Variants in RORA observed in about 807,000 individuals in gnomAD.
RORA encodes the protein RAR related orphan receptor A, also known as nuclear receptor ROR-alpha.
A neutral mutation model predicts 69.5 loss-of-function variants in RORA; 7 were observed. The ratio of observed to expected loss-of-function variants is 0.10; its 90% CI spans 0.06 to 0.19. The LOEUF (loss-of-function observed/expected upper bound fraction) is 0.19, where lower values mean the gene tolerates loss of function less well. RORA is among the 10% of genes least tolerant of loss of function. The probability of loss-of-function intolerance (pLI) is 1.00; values close to 1 mark genes in which losing one functional copy is unlikely to be tolerated. For missense variants in RORA, 457 were observed against 663.0 expected, an observed-to-expected ratio of 0.69 and a Z score of 3.41; for synonymous variants, 261 against 240.8, an observed-to-expected ratio of 1.08 and a Z score of -0.78.
intron 1 of RORA, among the ~76,000 whole-genome samples, chr15:61,095,694 T>C (rs2078779039): frequency 6.6e-6 from 1 of 152,208 alleles, no homozygotes; most frequent in Admixed American, 6.5e-5. Context: ...TTATGCAGAA[T>C]CCTATAGGCA....
chr15:60,579,870 T>C (rs1234227625), intron 2 of RORA, among the ~76,000 whole-genome samples: 2 of 152,240 alleles, frequency 1.3e-5, no homozygotes, highest in African/African-American at 2.4e-5. Flanking sequence ...ACCGATGCAC[T>C]ACTTTTGTCA....
intron 1 of RORA, among the ~76,000 whole-genome samples, chr15:60,948,660 A>T (rs1255913498): frequency 6.6e-6 from 1 of 152,250 alleles, no homozygotes; most frequent in Non-Finnish European, 1.5e-5. Flanking sequence ...TAGACAAGTT[A>T]TGTGACTTGG....
intron 1 of RORA, among the ~76,000 whole-genome samples, chr15:60,805,484 C>T (rs1225923028): frequency 2.6e-5 from 4 of 152,144 alleles, no homozygotes; most frequent in South Asian, 2.1e-4. Context: ...CAGCACTTAC[C>T]GGATGTGCAA....
At chr15:60,658,490 G>T (rs781406737) in intron 2 of RORA, among the ~76,000 whole-genome samples, 3 of 152,178 alleles carry the variant, frequency 2.0e-5, no homozygotes, top group Non-Finnish European at 4.4e-5. Context: ...TCTGCAATGG[G>T]CAGAAGAGAG....
At chr15:60,831,858 T>TTTA (rs2073046731) in intron 1 of RORA, among the ~76,000 whole-genome samples, 1 of 152,206 alleles carries the variant, frequency 6.6e-6, no homozygotes, top group African/African-American at 2.4e-5. Context: ...CGAGTAAGGT[T>TTTA]CAAGGTTGCC....
rs145858507 is a variant in RORA at position 61,018,519 on chromosome 15, G to A, written c.166+210534C>T. Reference sequence around the variant, plus strand: ...CGTATGTGTATGTGTAGTGTGTAGCGTAGTGAAAAACTCCACATGCACAGG... The same window carrying A: ...CGTATGTGTATGTGTAGTGTGTAGCATAGTGAAAAACTCCACATGCACAGG... On this transcript the variant is annotated intron_variant, in intron 1 of 10. Transcript: ENST00000335670. 1.6e-4 allele frequency among the ~76,000 whole-genome samples: 25 copies of A among 152,208 alleles called. 1 individual carries two copies. Among genetic ancestry groups the A allele is most frequent in the African/African-American group, 3.6e-4 (15 of 41,538 alleles).
intron 2 of RORA, among the ~76,000 whole-genome samples, chr15:60,607,386 A>T (rs1334433929): frequency 6.6e-6 from 1 of 152,254 alleles, no homozygotes; most frequent in Non-Finnish European, 1.5e-5. Flanking sequence ...TTAGGCACTT[A>T]TAGAAATACG....
At chr15:61,045,835 T>C (rs1293839910) in intron 1 of RORA, among the ~76,000 whole-genome samples, 3 of 152,192 alleles carry the variant, frequency 2.0e-5, no homozygotes, top group Non-Finnish European at 2.9e-5. Flanking sequence ...TCACTTTAGC[T>C]ATAAAAACAC....
chr15:60,704,115 C>T (rs2071024833), intron 1 of RORA, among the ~76,000 whole-genome samples: 1 of 152,176 alleles, frequency 6.6e-6, no homozygotes, highest in South Asian at 2.1e-4. Flanking sequence ...GTCTTCATTA[C>T]CCTCAAGGAA....
intron 1 of RORA, among the ~76,000 whole-genome samples, chr15:60,997,880 T>C (rs528112162): frequency 4.3e-4 from 65 of 152,354 alleles, no homozygotes; most frequent in African/African-American, 1.5e-3. Flanking sequence ...AAAAGAGCCA[T>C]AACCTCAAGG....
intron 1 of RORA, among the ~76,000 whole-genome samples, chr15:61,043,562 T>G (rs902116868): frequency 2.0e-5 from 3 of 152,204 alleles, no homozygotes; most frequent in African/African-American, 7.2e-5. Flanking sequence ...CAGAGCTAAT[T>G]GGACATCAGA....
intron 1 of RORA, among the ~76,000 whole-genome samples, chr15:60,858,484 AGGTCTGATG>A (rs529690722): frequency 4.0e-5 from 6 of 151,606 alleles, no homozygotes; most frequent in Non-Finnish European, 5.9e-5. Flanking sequence ...ATGGTTCAGA[AGGTCTGATG>A]GGTCAGTGAT....
At chr15:60,749,698 G>T (rs1308629488) in intron 1 of RORA, among the ~76,000 whole-genome samples, 4 of 152,128 alleles carry the variant, frequency 2.6e-5, no homozygotes, top group South Asian at 4.1e-4. Context: ...GGCACCTAAA[G>T]ATCTAAATCT....
chr15:60,895,416 C>T (rs986005581), intron 1 of RORA, among the ~76,000 whole-genome samples: 2 of 152,222 alleles, frequency 1.3e-5, no homozygotes, highest in African/African-American at 4.8e-5. Context: ...CTGAGAAAAT[C>T]TCCTATAAAG....
chr15:60,558,238 A>G, intron 2 of RORA: 1 of 1,611,282 alleles, frequency 6.2e-7, no homozygotes, highest in Non-Finnish European at 8.5e-7. Context: ...GACGCCAGTA[A>G]GAACAAAAGC....
At chr15:61,174,345 GT>G (rs2079609952) in intron 1 of RORA, among the ~76,000 whole-genome samples, 1 of 152,160 alleles carries the variant, frequency 6.6e-6, no homozygotes. Flanking sequence ...AGTTAGGCTG[GT>G]TCTTACTAAC....
At chr15:61,053,727 G>T (rs1182696910) in intron 1 of RORA, among the ~76,000 whole-genome samples, 1 of 151,434 alleles carries the variant, frequency 6.6e-6, no homozygotes, top group Non-Finnish European at 1.5e-5. Context: ...GCTACAGGGA[G>T]ACGACACAGC....
intron 2 of RORA, among the ~76,000 whole-genome samples, chr15:60,542,416 A>G (rs576213366): frequency 4.6e-5 from 7 of 151,242 alleles, no homozygotes; most frequent in Non-Finnish European, 7.4e-5. Context: ...CCATGCTCAC[A>G]CACACCACAG....
At chr15:60,933,533 C>T (rs1892433465) in intron 1 of RORA, among the ~76,000 whole-genome samples, 1 of 152,156 alleles carries the variant, frequency 6.6e-6, no homozygotes, top group Non-Finnish European at 1.5e-5. Context: ...TTTGTTGGTA[C>T]CTTCCTATTG....
Sources: gnomAD v4.1 joint callset for allele counts (sites outside exome capture counted in the v4.1 genomes callset) on GRCh38, gnomAD v4.1.1 for gene constraint, MANE v1.5 for transcripts, NCBI Gene and HGNC (gene_info 2026-07-23, HGNC 2026-07-21) for gene names.